The following KCTD14 variants were observed in gnomAD, a reference collection of about 807,000 sequenced individuals.
KCTD14 encodes BTB/POZ domain-containing protein KCTD14.
In KCTD14, 7 loss-of-function variants were observed where a neutral mutation model predicts 5.9. The observed-to-expected ratio is 1.19, with a 90% CI of 0.68 to 2.23. The LOEUF is 2.23. KCTD14 is among the 30% of genes most tolerant of loss of function. The probability of loss-of-function intolerance (pLI) is 0.00; values close to 1 mark genes in which losing one functional copy is unlikely to be tolerated. For missense variants in KCTD14, 342 were observed against 332.2 expected (o/e 1.03, Z -0.23); for synonymous variants, 140 against 133.1 (o/e 1.05, Z -0.36).
chr11:78,023,094 G>T, intron 1 of KCTD14, 66 bp downstream of exon 1: 1 of 1,092,622 alleles, frequency 9.2e-7, no homozygotes, highest in Non-Finnish European at 1.3e-6. Context: ...AACTGGAAGG[G>T]AGGGAAGAGG....
intron 2 of KCTD14, chr11:78,038,655 C>T: frequency 6.5e-7 from 1 of 1,535,654 alleles, no homozygotes; most frequent in Non-Finnish European, 8.7e-7. Flanking sequence ...GAGGGGGTGA[C>T]CTGCATACCT....
chr11:78,043,156 C>A (rs901078301), intron 1 of KCTD14, among the ~76,000 whole-genome samples: 1 of 152,368 alleles, frequency 6.6e-6, no homozygotes, highest in East Asian at 1.9e-4. Flanking sequence ...GCCTCTGTTA[C>A]ACTTTTAAAT....
chr11:78,028,471 C>G (rs1857526319), intron 2 of KCTD14, among the ~76,000 whole-genome samples: 1 of 151,948 alleles, frequency 6.6e-6, no homozygotes, highest in African/African-American at 2.4e-5. Flanking sequence ...GGCATGGTGG[C>G]ATGCGCCTAT....
chr11:78,019,779 G>C (rs1857264631), intron 1 of KCTD14, among the ~76,000 whole-genome samples: 1 of 152,176 alleles, frequency 6.6e-6, no homozygotes. Context: ...AGTTAAGTTT[G>C]GTTGTTCAAC....
upstream of KCTD14, among the ~76,000 whole-genome samples, chr11:78,024,322 T>C (rs996409603): frequency 2.7e-5 from 4 of 149,804 alleles, no homozygotes; most frequent in Non-Finnish European, 5.9e-5. Context: ...GAGGCAGAGA[T>C]TGTAGTGAGC....
chr11:78,031,602 G>A (rs947910229), intron 2 of KCTD14, among the ~76,000 whole-genome samples: 1 of 151,852 alleles, frequency 6.6e-6, no homozygotes, highest in Non-Finnish European at 1.5e-5. Flanking sequence ...TGGCCAGGTT[G>A]GTCTCAAACT....
chr11:78,032,703 C>CTTTTTT (rs35820886), intron 2 of KCTD14, among the ~76,000 whole-genome samples: 3 of 123,550 alleles, frequency 2.4e-5, no homozygotes, highest in Non-Finnish European at 3.3e-5. Context: ...TGATCTACTT[C>CTTTTTT]TTTTTTTTTT....
At chr11:78,028,053 T>C (rs1279793636), upstream of KCTD14, among the ~76,000 whole-genome samples, 1 of 152,118 alleles carries the variant, frequency 6.6e-6, no homozygotes, top group Non-Finnish European at 1.5e-5. Context: ...GGAATGCCCT[T>C]GGCCAGAAGG....
chr11:78,040,564 G>A (rs1288765628), intron 1 of KCTD14, among the ~76,000 whole-genome samples: 1 of 151,894 alleles, frequency 6.6e-6, no homozygotes, highest in African/African-American at 2.4e-5. Flanking sequence ...CTCTTCGGTG[G>A]CTGTCTGTCC....
At chr11:78,039,610 A>T (rs1001618846) in intron 1 of KCTD14, among the ~76,000 whole-genome samples, 4 of 151,042 alleles carry the variant, frequency 2.6e-5, no homozygotes, top group Non-Finnish European at 5.9e-5. Flanking sequence ...TCTACAAAAG[A>T]AAAAAAAATA....
intron 2 of KCTD14, among the ~76,000 whole-genome samples, chr11:78,031,231 A>C (rs530279121): frequency 6.6e-5 from 10 of 151,686 alleles, no homozygotes; most frequent in Non-Finnish European, 1.3e-4. Flanking sequence ...ACTTTTTTGT[A>C]GAGATGGTGT....
At chr11:78,022,712 C>G (rs1857338342) in intron 1 of KCTD14, among the ~76,000 whole-genome samples, 1 of 151,890 alleles carries the variant, frequency 6.6e-6, no homozygotes, top group Non-Finnish European at 1.5e-5. Context: ...GGCTGAAGAC[C>G]CAGCCAAGGG....
intron 1 of KCTD14, among the ~76,000 whole-genome samples, chr11:78,042,901 T>C (rs1858033490): frequency 6.6e-6 from 1 of 152,194 alleles, no homozygotes; most frequent in African/African-American, 2.4e-5. Flanking sequence ...TTATATAGCT[T>C]GCGAAGAAGC....
intron 1 of KCTD14, among the ~76,000 whole-genome samples, chr11:78,022,500 G>C (rs1857333592): frequency 1.3e-5 from 2 of 152,288 alleles, no homozygotes; most frequent in Middle Eastern, 3.4e-3. Flanking sequence ...CTATTAGAGA[G>C]AGCCACGCTG....
At chr11:78,032,884 G>T (rs1857668268) in intron 2 of KCTD14, among the ~76,000 whole-genome samples, 1 of 151,886 alleles carries the variant, frequency 6.6e-6, no homozygotes, top group African/African-American at 2.4e-5. Flanking sequence ...GTCTCACTAT[G>T]TTGCCCAAGC....
chr11:78,030,264 T>C (rs1034616740), intron 2 of KCTD14, among the ~76,000 whole-genome samples: 8 of 152,162 alleles, frequency 5.3e-5, no homozygotes, highest in African/African-American at 1.9e-4. Flanking sequence ...ACCCTGGCAG[T>C]TCAAAATAGG....
At chr11:78,035,782 T>C (rs187098783) in intron 2 of KCTD14, among the ~76,000 whole-genome samples, 2 of 138,084 alleles carry the variant, frequency 1.4e-5, no homozygotes, top group East Asian at 4.2e-4. Flanking sequence ...GAGGCAGAGG[T>C]TGCAGTGAGC....
chr11:78,024,443 C>T (rs71468310), upstream of KCTD14, among the ~76,000 whole-genome samples: 36 of 63,210 alleles, frequency 5.7e-4, no homozygotes, highest in African/African-American at 1.4e-3. Context: ...CACACACACA[C>T]ACATATATAT....
intron 2 of KCTD14, among the ~76,000 whole-genome samples, chr11:78,035,844 CAAAA>C (rs559820760): frequency 3.8e-5 from 3 of 79,286 alleles, no homozygotes; most frequent in Non-Finnish European, 4.4e-5. Context: ...GACTCCATCT[CAAAA>C]AAAAAAAAAA....
Sources: allele counts gnomAD v4.1 joint callset (sites outside exome capture counted in the v4.1 genomes callset), GRCh38; gene constraint gnomAD v4.1.1; transcripts MANE v1.5; gene names NCBI Gene and HGNC (gene_info 2026-07-23, HGNC 2026-07-21).